ACSF3: variants seen among roughly 807,000 people sequenced by gnomAD.
The protein encoded by ACSF3 is malonate--CoA ligase ACSF3, mitochondrial.
A neutral mutation model predicts 53.2 loss-of-function variants in ACSF3; 78 were observed. The ratio of observed to expected loss-of-function variants is 1.47; its 90% confidence interval spans 1.22 to 1.77. The LOEUF (loss-of-function observed/expected upper bound fraction) is 1.77. Among genes scored for constraint, ACSF3 ranks in the 40% most tolerant of loss-of-function variants. ACSF3 has a pLI of 0.00. For missense variants in ACSF3, 937 were observed against 771.1 expected (o/e 1.22, Z -2.55); for synonymous variants, 414 against 333.1 (o/e 1.24, Z -2.65).
At chr16:89,101,456 G>A in intron 3 of ACSF3, 109 bp downstream of exon 3, 1 of 1,535,656 alleles carries the variant, frequency 6.5e-7, no homozygotes, top group South Asian at 1.2e-5. Flanking sequence ...GTCATTCACA[G>A]TTGTCACCAT....
chr16:89,104,931 G>A (rs1410826142), intron 4 of ACSF3, among the ~76,000 whole-genome samples: 1 of 152,208 alleles, frequency 6.6e-6, no homozygotes, highest in South Asian at 2.1e-4. Context: ...TTAAAATCTA[G>A]CAGTTACTAC....
chr16:89,127,688 A>G (rs1908426062), intron 7 of ACSF3, among the ~76,000 whole-genome samples: 1 of 152,156 alleles, frequency 6.6e-6, no homozygotes, highest in Non-Finnish European at 1.5e-5. Context: ...TTGAAAGAAA[A>G]AGAACTATGA....
At chr16:89,137,931 G>A (rs1010433350) in intron 8 of ACSF3, among the ~76,000 whole-genome samples, 1 of 152,194 alleles carries the variant, frequency 6.6e-6, no homozygotes, top group African/African-American at 2.4e-5. Context: ...CCAGGGCCCA[G>A]CTGGGGCTCC....
At chr16:89,114,280 C>T (rs926233831) in intron 5 of ACSF3, 59 bp from the exon 6 acceptor site, 9 of 1,608,446 alleles carry the variant, frequency 5.6e-6, no homozygotes, top group East Asian at 2.2e-5. Context: ...AACCTGCCAC[C>T]TTTGCACGCG....
At chr16:89,097,995 A>G (rs1174747464) in intron 1 of ACSF3, among the ~76,000 whole-genome samples, 1 of 152,022 alleles carries the variant, frequency 6.6e-6, no homozygotes, top group Non-Finnish European at 1.5e-5. Context: ...GCCCCAGGCT[A>G]CCTGGGAGGC....
At chr16:89,137,114 AG>A (rs1910668831) in intron 8 of ACSF3, among the ~76,000 whole-genome samples, 1 of 152,188 alleles carries the variant, frequency 6.6e-6, no homozygotes, top group Non-Finnish European at 1.5e-5. Context: ...GGGGGCATCC[AG>A]GGGTCAGGAG....
At chr16:89,113,728 G>C (rs1904485112) in intron 5 of ACSF3, 1 of 183,088 alleles carries the variant, frequency 5.5e-6, no homozygotes, top group Non-Finnish European at 1.2e-5. Flanking sequence ...TGAGAGCGCG[G>C]GGACTCGGAG....
chr16:89,124,258 C>T (rs1057320739), intron 7 of ACSF3, among the ~76,000 whole-genome samples: 6 of 152,176 alleles, frequency 3.9e-5, no homozygotes, highest in South Asian at 4.1e-4. Flanking sequence ...AGCTCCAGGC[C>T]GGACTCCCTG....
chr16:89,114,184 A>G lies in ACSF3; in HGVS notation c.978-155A>G, dbSNP rs1025039281. The G allele has an allele frequency of 2.2e-5, 21 of 961,698 alleles. No homozygotes were observed. In the East Asian group the frequency reaches 5.5e-4, roughly 25 times the overall value. 59.6% of individuals were successfully genotyped at this position (961,698 alleles called of 1,614,324 possible). ...GCAGCGTTGGTCCCGGGTGTCGCAC[A>G]GTGGTGCTGTACCCACGGCCTGGGG... is the stretch of plus-strand genomic sequence containing the variant. On this transcript the variant is annotated intron_variant, in intron 5 of 10. Coordinates refer to ENST00000614302, the MANE Select transcript of ACSF3 (RefSeq NM_001243279.3).
intron 7 of ACSF3, among the ~76,000 whole-genome samples, chr16:89,124,536 C>G (rs1395410615): frequency 1.4e-5 from 2 of 146,538 alleles, no homozygotes; most frequent in East Asian, 3.9e-4. Context: ...TGTGTGTTAC[C>G]CATCTGCTCA....
Position 89,125,343 on chromosome 16 carries a change from C to CAAATAA in ACSF3, c.1239+4433_1239+4434insTAAAAA, listed in dbSNP as rs55716532. Among the ~76,000 whole-genome samples the CAAATAA allele has an allele frequency of 1.7e-3, 243 of 140,874 alleles. 5 individuals are homozygous for CAAATAA. Among genetic ancestry groups the CAAATAA allele is most frequent in the African/African-American group, 5.7e-3 (217 of 37,752 alleles). 92.4% of individuals were successfully genotyped at this position (140,874 alleles called of 152,430 possible). On this transcript the variant is annotated intron_variant, in intron 7 of 10. Coordinates refer to ENST00000614302, the MANE Select transcript of ACSF3 (RefSeq NM_001243279.3). ...GGGCAACAAGAGCAAAACTCTGTCT[C>CAAATAA]AAAAAAAAAAAAAAAAGAATTAGCT...
rs1467574593 is a variant in ACSF3, at chr16:89,102,953, C to T, written c.822+194C>T. 2.6e-5 allele frequency among the ~76,000 whole-genome samples: 4 copies of T among 152,312 alleles called. No individual in the cohort carries two copies. The South Asian group carries it at 6.2e-4, about 24-fold the overall frequency. ...CTATCCACAGGGGACGTGCCAATGC[C>T]GAGACCCTGGGTAGCATGGAACCCT... is the stretch of plus-strand genomic sequence containing the variant. On this transcript the variant is annotated intron_variant, in intron 4 of 10. Coordinates refer to ENST00000614302, the MANE Select transcript of ACSF3 (RefSeq NM_001243279.3).
Position 89,148,506 on chromosome 16 carries a change from G to A in ACSF3, c.1613+2457G>A, listed in dbSNP as rs1003705108. On this transcript the variant is annotated intron_variant, in intron 10 of 10. Transcript: ENST00000614302. The stretch of plus-strand genomic sequence containing the variant: ...CAAGGCCATGGGTATCTCTGCTCCT[G>A]TGGCTCTGTAGGGTACAGCCCCCAT... The A allele has an allele frequency of 5.2e-4, 79 of 152,140 alleles. 4 individuals are homozygous for A. The allele number at this position is 152,140 out of a possible 1,614,324, so 9.4% of individuals were successfully genotyped here. A position where few individuals can be genotyped will look rare whatever the true frequency, so the allele number is the denominator to read the frequency against.
chr16:89,136,735 G>A (rs1448171262), intron 8 of ACSF3: 5 of 1,287,264 alleles, frequency 3.9e-6, no homozygotes, highest in South Asian at 3.7e-5. Context: ...CTGCCTCTGT[G>A]CCTACAGCCC....
At chr16:89,114,826 A>C (rs936532515) in intron 6 of ACSF3, 1 of 386,120 alleles carries the variant, frequency 2.6e-6, no homozygotes, top group African/African-American at 2.1e-5. Context: ...TGTTGGCTCC[A>C]GACCACATCA....
At chr16:89,123,878 C>T (rs916030421) in intron 7 of ACSF3, among the ~76,000 whole-genome samples, 1 of 152,218 alleles carries the variant, frequency 6.6e-6, no homozygotes, top group Admixed American at 6.5e-5. Flanking sequence ...CTACCACTCC[C>T]TCACATCCTG....
intron 6 of ACSF3, among the ~76,000 whole-genome samples, chr16:89,119,490 C>T (rs986656792): frequency 9.9e-5 from 15 of 152,148 alleles, no homozygotes; most frequent in Admixed American, 3.9e-4. Context: ...AATGTGTGTG[C>T]GGAACACCGC....
intron 4 of ACSF3, among the ~76,000 whole-genome samples, chr16:89,111,847 C>G (rs1446045606): frequency 6.6e-6 from 1 of 152,240 alleles, no homozygotes; most frequent in Admixed American, 6.5e-5. Context: ...CTCCAGGCCA[C>G]AGATCCCGAA....
At chr16:89,112,666 GTCTCTCCATCTGTCTCTA>G (rs1340300472) in intron 5 of ACSF3, among the ~76,000 whole-genome samples, 1 of 151,854 alleles carries the variant, frequency 6.6e-6, no homozygotes, top group East Asian at 1.9e-4. Flanking sequence ...TATCTCTCCT[GTCTCTCCATCTGTCTCTA>G]TCTCTCCATC....
Sources: allele counts gnomAD v4.1 joint callset (sites outside exome capture counted in the v4.1 genomes callset), GRCh38; gene constraint gnomAD v4.1.1; transcripts MANE v1.5; gene names NCBI Gene and HGNC (gene_info 2026-07-23, HGNC 2026-07-21).